Variants in CSMD1 observed in about 807,000 individuals in gnomAD.
CSMD1 encodes CUB and Sushi multiple domains 1, also known as CUB and sushi domain-containing protein 1.
Under a neutral mutation model 417.5 loss-of-function variants are expected in CSMD1, and 213 were observed. The ratio of observed to expected loss-of-function variants is 0.51; its 90% CI spans 0.46 to 0.57. The LOEUF is 0.57. Ranked by LOEUF, CSMD1 falls within the 20% of genes least tolerant of loss-of-function variation. The pLI is 0.00. For missense variants in CSMD1, 6,923 were observed against 4,529.7 expected (o/e 1.53, Z -15.17); for synonymous variants, 2,862 against 1,736.8 (o/e 1.65, Z -16.11).
intron 33 of CSMD1, among the ~76,000 whole-genome samples, chr8:3,196,432 T>C (rs1047609176): frequency 5.9e-5 from 9 of 152,292 alleles, no homozygotes; most frequent in African/African-American, 2.2e-4. Context: ...AAACTTGTTT[T>C]TACTTTACTC....
chr8:4,574,043 T>C (rs1799016322), intron 2 of CSMD1, among the ~76,000 whole-genome samples: 2 of 152,196 alleles, frequency 1.3e-5, no homozygotes, highest in African/African-American at 4.8e-5. Context: ...AGCCAGTGAA[T>C]CTTAGCTTGC....
chr8:4,054,258 G>A (rs780233479), intron 3 of CSMD1, among the ~76,000 whole-genome samples: 32 of 144,348 alleles, frequency 2.2e-4, no homozygotes, highest in Non-Finnish European at 6.0e-5. Context: ...GACTTTGAGA[G>A]TTAAGAGGTG....
chr8:4,032,551 C>T (rs541807936), intron 3 of CSMD1, among the ~76,000 whole-genome samples: 1 of 152,178 alleles, frequency 6.6e-6, no homozygotes, highest in Non-Finnish European at 1.5e-5. Flanking sequence ...ACGACTGGTA[C>T]AGTGTCTGTT....
chr8:3,294,906 C>T (rs947165177), intron 25 of CSMD1, among the ~76,000 whole-genome samples: 1 of 152,106 alleles, frequency 6.6e-6, no homozygotes. Flanking sequence ...CGCCCGTCTT[C>T]TGCGTCATTC....
At position 3,468,745 on chromosome 8, in the gene CSMD1, T is replaced by C. The variant is rs1391733535; in HGVS notation, c.1528A>G (p.Ile510Val). The C allele has an allele frequency of 1.2e-6, 2 of 1,606,714 alleles. No individual in the cohort carries two copies. Among genetic ancestry groups the C allele is most frequent in the African/African-American group, 1.3e-5 (1 of 74,860 alleles). Residue 510 changes from isoleucine (I) to valine (V), a missense_variant, in exon 12 of 70, where the codon ATT (isoleucine) becomes GTT (valine). Physicochemically the swap from Ile to Val is conservative, Grantham distance 29. Transcript: ENST00000635120. The stretch of plus-strand genomic sequence containing the variant: ...ACAGCTTTAAACCCAGGTGAGCCAA[T>C]GCTATCATCCGACTGCAGATGTAGC... The part of the protein sequence containing the change: ...MWLHLQSDDS[I>V]GSPGFKAVYQ...
chr8:4,189,538 G>A (rs950915852), intron 3 of CSMD1, among the ~76,000 whole-genome samples: 148 of 152,144 alleles, frequency 9.7e-4, no homozygotes, highest in African/African-American at 3.4e-3. Flanking sequence ...TCAACTTTAT[G>A]GTTACCATCA....
chr8:3,858,582 TTAAA>T (rs1804473831), intron 5 of CSMD1, among the ~76,000 whole-genome samples: 1 of 152,218 alleles, frequency 6.6e-6, no homozygotes, highest in South Asian at 2.1e-4. Context: ...ACGAGTAGTC[TTAAA>T]TTAATAATTT....
intron 8 of CSMD1, among the ~76,000 whole-genome samples, chr8:3,609,032 G>C (rs929350507): frequency 1.3e-5 from 2 of 152,174 alleles, no homozygotes; most frequent in Admixed American, 6.5e-5. Context: ...GTCCTGCATA[G>C]TGAGTGTAAA....
intron 1 of CSMD1, among the ~76,000 whole-genome samples, chr8:4,722,998 A>G (rs556687929): frequency 6.6e-6 from 1 of 152,254 alleles, no homozygotes; most frequent in South Asian, 2.1e-4. Flanking sequence ...TACTTGTGGC[A>G]TTACAAGAGT....
intron 2 of CSMD1, among the ~76,000 whole-genome samples, chr8:4,628,459 T>C (rs1802263809): frequency 6.7e-6 from 1 of 149,178 alleles, no homozygotes; most frequent in Non-Finnish European, 1.5e-5. Flanking sequence ...CATATACATA[T>C]ATATGTATAT....
chr8:4,120,861 AC>A (rs1802447621), intron 3 of CSMD1, among the ~76,000 whole-genome samples: 1 of 152,116 alleles, frequency 6.6e-6, no homozygotes, highest in Admixed American at 6.5e-5. Flanking sequence ...AATTACAGAA[AC>A]AAATTTTTTC....
intron 1 of CSMD1, among the ~76,000 whole-genome samples, chr8:4,852,600 G>A (rs549488994): frequency 7.9e-5 from 12 of 152,296 alleles, no homozygotes; most frequent in African/African-American, 2.4e-4. Context: ...GGAGTGGGAT[G>A]TTGCTATAAA....
chr8:3,757,477 C>T (rs750233062), intron 5 of CSMD1, among the ~76,000 whole-genome samples: 1 of 152,154 alleles, frequency 6.6e-6, no homozygotes, highest in East Asian at 1.9e-4. Flanking sequence ...TTTTCAGTCA[C>T]TTAACAATGT....
intron 1 of CSMD1, among the ~76,000 whole-genome samples, chr8:4,700,358 A>C (rs1563169921): frequency 6.6e-6 from 1 of 151,960 alleles, no homozygotes; most frequent in Admixed American, 6.6e-5. Flanking sequence ...ATATTATAAA[A>C]ATATTATTTG....
intron 1 of CSMD1, among the ~76,000 whole-genome samples, chr8:4,674,446 C>G (rs903187141): frequency 2.0e-4 from 30 of 152,082 alleles, no homozygotes; most frequent in Non-Finnish European, 3.5e-4. Context: ...GGGAAGGTCT[C>G]AAACACCTGG....
chr8:4,154,644 G>A (rs2407307), intron 3 of CSMD1, among the ~76,000 whole-genome samples: 14,297 of 152,198 alleles, frequency 0.094, 1,040 homozygotes, highest in East Asian at 0.24. Flanking sequence ...TTTAAAAAAG[G>A]AATTGTATTC....
chr8:3,817,612 G>A (rs184090716), intron 5 of CSMD1, among the ~76,000 whole-genome samples: 16 of 152,020 alleles, frequency 1.1e-4, no homozygotes, highest in Admixed American at 3.9e-4. Flanking sequence ...AATATTTACG[G>A]GCAATATTCA....
At chr8:3,058,268 T>C (rs1028329323) in intron 49 of CSMD1, among the ~76,000 whole-genome samples, 7 of 152,208 alleles carry the variant, frequency 4.6e-5, no homozygotes, top group East Asian at 1.9e-4. Flanking sequence ...ACCGTGTGCA[T>C]TGTCTTCTTA....
intron 3 of CSMD1, among the ~76,000 whole-genome samples, chr8:4,038,799 T>A (rs565168450): frequency 6.6e-6 from 1 of 152,334 alleles, no homozygotes; most frequent in South Asian, 2.1e-4. Flanking sequence ...GCACAGTTGT[T>A]TTCTCTCATG....
Sources: allele counts gnomAD v4.1 joint callset (sites outside exome capture counted in the v4.1 genomes callset), GRCh38; gene constraint gnomAD v4.1.1; transcripts MANE v1.5; gene names NCBI Gene and HGNC (gene_info 2026-07-23, HGNC 2026-07-21).